Variants in ABCF2 observed in about 807,000 individuals in gnomAD.
The protein encoded by ABCF2 is ATP-binding cassette sub-family F member 2.
In ABCF2, 37 loss-of-function variants were observed where a neutral mutation model predicts 76.9. That is an observed-to-expected ratio of 0.48 (90% CI 0.37 to 0.63). The LOEUF is 0.63. ABCF2 is among the 30% of genes least tolerant of loss of function. The probability of loss-of-function intolerance (pLI) is 0.00; values close to 1 mark genes in which losing one functional copy is unlikely to be tolerated. For missense variants in ABCF2, 524 were observed against 782.1 expected (o/e 0.67, Z 3.94); for synonymous variants, 299 against 283.7 (o/e 1.05, Z -0.54).
intron 7 of ABCF2, among the ~76,000 whole-genome samples, chr7:151,221,286 G>A (rs1170326141): frequency 1.3e-5 from 2 of 150,050 alleles, no homozygotes; most frequent in African/African-American, 2.5e-5. Flanking sequence ...TGCAACCTCC[G>A]CCTCCAGGGT....
intron 2 of ABCF2, among the ~76,000 whole-genome samples, chr7:151,225,636 A>G (rs892890539): frequency 5.3e-5 from 8 of 152,260 alleles, no homozygotes; most frequent in African/African-American, 1.9e-4. Flanking sequence ...TGACTATCCA[A>G]GAGATAATAA....
At chr7:151,219,946 A>G (rs1802233317) in intron 7 of ABCF2, among the ~76,000 whole-genome samples, 2 of 152,150 alleles carry the variant, frequency 1.3e-5, no homozygotes, top group African/African-American at 4.8e-5. Flanking sequence ...TAAAAATATA[A>G]AAATTAGCTG....
At position 151,214,818 on chromosome 7, in the gene ABCF2, G is replaced by T; in HGVS notation, c.1734+61C>A. On this transcript the variant is annotated intron_variant, in intron 14 of 14. Transcript: ENST00000287844. The surrounding 1 kb of genome is among the most constrained non-coding windows in gnomAD (Gnocchi z 4.9). ...GTATTATGCACCCTCCACATGCCAT[G>T]ACTACCCTACCCAACCCCCTAGAAG... is the stretch of plus-strand genomic sequence containing the variant. The T allele has an allele frequency of 6.5e-7, 1 of 1,536,854 alleles. No individual in the cohort carries two copies. Among genetic ancestry groups the T allele is most frequent in the Non-Finnish European group, 9.0e-7 (1 of 1,111,654 alleles).
intron 1 of ABCF2, chr7:151,226,773 G>A (rs1802381532): frequency 4.0e-6 from 1 of 249,572 alleles, no homozygotes. Context: ...CCTCCGGCTG[G>A]GGACCAGGTT....
rs1385231639 is a variant in ABCF2, at chr7:151,222,593, A to G, written c.746T>C (p.Met249Thr). 1 of 1,613,762 alleles carries G rather than the reference A, an allele frequency of 6.2e-7. No individual in the cohort carries two copies. The highest frequency in any genetic ancestry group is 1.3e-5 in the African/African-American group (1 of 75,034). Residue 249 changes from methionine to threonine, a missense_variant, in exon 6 of 15, where the codon ATG becomes ACG. Physicochemically the swap from Met to Thr is moderately conservative, Grantham distance 81 (BLOSUM62 -1). Around this residue, in one of 2 missense-constraint regions of ABCF2, gnomAD observed 330 missense variants for 433.6 expected, o/e 0.76. Coordinates refer to ENST00000287844, the MANE Select transcript of ABCF2 (RefSeq NM_007189.3). Reference protein sequence around the residue: ...LARALFIRPFMLLLDEPTNHL... With the variant: ...LARALFIRPFTLLLDEPTNHL... The stretch of plus-strand genomic sequence containing the variant: ...GTTGGTAGGCTCATCCAGGAGCAGC[A>G]TGAAGGGCCGAATAAAGAGGGCTCT...
chr7:151,218,753 C>T lies in ABCF2; in HGVS notation c.1137+1G>A. 1 of 1,613,780 alleles carries T rather than the reference C, an allele frequency of 6.2e-7. No homozygotes were observed. Among genetic ancestry groups the T allele is most frequent in the Non-Finnish European group, 8.5e-7 (1 of 1,179,986 alleles). The stretch of plus-strand genomic sequence containing the variant: ...TCACACCCCACCCAATCACACCCCA[C>T]CTTATCGCTCACGACCCTCTCTGTC... On this transcript the variant is annotated splice_donor_variant, in intron 9 of 14. Transcript: ENST00000287844. LOFTEE classifies it high-confidence loss of function.
chr7:151,214,922 C>T lies in ABCF2; in HGVS notation c.1691G>A (p.Gly564Asp). The T allele has an allele frequency of 1.2e-6, 2 of 1,614,206 alleles. No homozygotes were observed. Among genetic ancestry groups the T allele is most frequent in the Non-Finnish European group, 1.7e-6 (2 of 1,180,034 alleles). ...GTCATGGCTGACCAGCATCATACCA[C>T]CCTCAAACTCATTGATGGCATCTGC... Reference protein sequence around the residue: ...ALADAINEFEGGMMLVSHDFR... With the variant: ...ALADAINEFEDGMMLVSHDFR... Residue 564 changes from glycine to aspartate, a missense_variant, in exon 14 of 15, where the codon GGT (glycine) becomes GAT (aspartate). By Grantham distance (94) the Gly-to-Asp change is moderately conservative (BLOSUM62 -1). Transcript: ENST00000287844. This position sits in a 1 kb window ranked among gnomAD's most constrained non-coding sequence, Gnocchi z 4.9.
chr7:151,223,874 G>C, intron 4 of ABCF2, 25 bp from the exon 5 acceptor site: 1 of 1,605,668 alleles, frequency 6.2e-7, no homozygotes, highest in Non-Finnish European at 8.5e-7. Context: ...TGGCCATGAG[G>C]CTCCTGGGGG....
Position 151,223,939 on chromosome 7 carries a change from A to G in ABCF2, c.543T>C (p.His181=). The stretch of plus-strand genomic sequence containing the variant: ...CCAGGTCTGGAGCCCTACCATCCTC[A>G]TGAGCCAGCCGCTCTGCCTCTTTCT... The part of the protein sequence containing the change: ...MLEKEAERLA[H]EDAECEKLME... The change falls in exon 4 of 15, where the codon CAT becomes CAC. Residue 181 remains histidine (H), a synonymous_variant. Transcript: ENST00000287844. 3 of 1,612,912 alleles carry G rather than the reference A, an allele frequency of 1.9e-6. No individual in the cohort carries two copies. The highest frequency in any genetic ancestry group is 2.5e-6 in the Non-Finnish European group (3 of 1,179,248).
At chr7:151,220,169 A>T (rs1584842659) in intron 7 of ABCF2, among the ~76,000 whole-genome samples, 1 of 151,244 alleles carries the variant, frequency 6.6e-6, no homozygotes, top group Non-Finnish European at 1.5e-5. Context: ...AGGCAGGCGG[A>T]TCATGAGGTC....
rs746168001 is a variant in ABCF2 at position 151,218,185 on chromosome 7, T to C, written c.1234A>G (p.Ile412Val). The C allele has an allele frequency of 1.5e-5, 24 of 1,610,980 alleles. No homozygotes were observed. Among genetic ancestry groups the C allele is most frequent in the Non-Finnish European group, 2.0e-5 (23 of 1,177,220 alleles). The change falls in exon 11 of 15, where the codon ATC becomes GTC. Residue 412 changes from isoleucine (I) to valine (V), a missense_variant. Physicochemically the swap from Ile to Val is conservative, Grantham distance 29. Transcript: ENST00000287844. ...ATTCCAAATTCTAGATTATTGTAGA[T>C]GCAAGGCTGAGGTGGGGATGAGAGA... ...SFKYTKDGPCIYNNLEFGIDL... is the reference protein window; with the variant it reads ...SFKYTKDGPCVYNNLEFGIDL...
At position 151,219,065 on chromosome 7, in the gene ABCF2, T is replaced by C; in HGVS notation, c.1016A>G (p.Lys339Arg). Reference sequence around the variant, plus strand: ...AGCCTGACTCTGCAGTCTCCCTACCTTCATGTGTGCAATCTGATCTTGCTC... The same window carrying C: ...AGCCTGACTCTGCAGTCTCCCTACCCTCATGTGTGCAATCTGATCTTGCTC... ...HWEQDQIAHM[K>R]NYIARFGHGS... The change falls in exon 8 of 15, where the codon AAG (lysine) becomes AGG (arginine). Residue 339 changes from lysine to arginine, a missense_variant and splice_region_variant. Lys to Arg is a conservative substitution (Grantham distance 26, BLOSUM62 2). Transcript: ENST00000287844. The C allele has an allele frequency of 6.2e-7, 1 of 1,614,036 alleles. No individual in the cohort carries two copies. Among genetic ancestry groups the C allele is most frequent in the South Asian group, 1.1e-5 (1 of 91,076 alleles).
At chr7:151,224,484 G>T (rs770457286) in intron 3 of ABCF2, among the ~76,000 whole-genome samples, 1 of 152,168 alleles carries the variant, frequency 6.6e-6, no homozygotes, top group Non-Finnish European at 1.5e-5. Flanking sequence ...TAAAGGAAAT[G>T]CTCACTGGAG....
rs1802130308 is a variant in ABCF2, at chr7:151,215,432, T to C, written c.1530+172A>G. On this transcript the variant is annotated intron_variant, in intron 13 of 14. Transcript: ENST00000287844. The surrounding 1 kb of genome is among the most constrained non-coding windows in gnomAD (Gnocchi z 4.6). ...ATCCTTGCCCCCTCAAAATGCTCCA[T>C]TACATAACAACCTAGAGTAAAGAAA... 6.6e-6 allele frequency among the ~76,000 whole-genome samples: 1 copy of C among 152,154 alleles called. No homozygotes were observed. The highest frequency in any genetic ancestry group is 2.4e-5 in the African/African-American group (1 of 41,430).
chr7:151,217,232 T>C (rs562993357), intron 11 of ABCF2, among the ~76,000 whole-genome samples: 10 of 152,084 alleles, frequency 6.6e-5, no homozygotes, highest in African/African-American at 2.2e-4. Context: ...ACCATTCCAT[T>C]ATAGGATGCA....
chr7:151,227,132 T>G (rs1052729774), intron 1 of ABCF2, 31 bp downstream of exon 1: 1 of 152,048 alleles, frequency 6.6e-6, no homozygotes, highest in Admixed American at 6.6e-5. Flanking sequence ...GCGGGGACCC[T>G]CTCCCTACAG....
Position 151,212,354 on chromosome 7 carries a change from G to T in ABCF2, c.*1700C>A. 2 of 985,456 alleles carry T rather than the reference G, an allele frequency of 2.0e-6. No individual in the cohort carries two copies. The highest frequency in any genetic ancestry group is 2.4e-6 in the Non-Finnish European group (2 of 829,940). 61.0% of individuals were successfully genotyped at this position (985,456 alleles called of 1,614,324 possible). A position where few individuals can be genotyped will look rare whatever the true frequency, so the allele number is the denominator to read the frequency against. On this transcript the variant is annotated 3_prime_UTR_variant, in exon 15 of 15. Transcript: ENST00000287844. ...AACAGTGATGATAACTATGGCTGTGGACAGGTAAAAATACAAAATTTCCTG... is the reference window on the plus strand; with the variant it reads ...AACAGTGATGATAACTATGGCTGTGTACAGGTAAAAATACAAAATTTCCTG...
Position 151,226,388 on chromosome 7 carries a change from C to T in ABCF2, c.71G>A (p.Arg24Lys). ...KEAAKARQRP[R>K]KGHEENGDVV... ...ATCTCCATTTTCTTCATGTCCTTTT[C>T]TGGGCCGCTGTCGAGCTTTGGCAGC... The change falls in exon 2 of 15, where the codon AGA (arginine) becomes AAA (lysine). Residue 24 changes from arginine to lysine, a missense_variant. Coordinates refer to ENST00000287844, the MANE Select transcript of ABCF2 (RefSeq NM_007189.3). The T allele has an allele frequency of 1.9e-6, 3 of 1,614,202 alleles. No homozygotes were observed. The highest frequency in any genetic ancestry group is 2.5e-6 in the Non-Finnish European group (3 of 1,180,036).
chr7:151,220,607 G>A (rs1234697432), intron 7 of ABCF2, among the ~76,000 whole-genome samples: 1 of 152,154 alleles, frequency 6.6e-6, no homozygotes, highest in Non-Finnish European at 1.5e-5. Context: ...GTGGGCTATT[G>A]AGATCCTGAC....
Sources: allele counts gnomAD v4.1 joint callset (sites outside exome capture counted in the v4.1 genomes callset), GRCh38; gene constraint gnomAD v4.1.1; regional missense constraint gnomAD v4.1.1; non-coding constraint Gnocchi (gnomAD v3.1); transcripts MANE v1.5; gene names NCBI Gene and HGNC (gene_info 2026-07-23, HGNC 2026-07-21).